PTPN3: variants seen among roughly 807,000 people sequenced by gnomAD.
PTPN3 encodes protein tyrosine phosphatase non-receptor type 3, also known as tyrosine-protein phosphatase non-receptor type 3.
In PTPN3, 96 loss-of-function variants were observed where a neutral mutation model predicts 132.7. That is an observed-to-expected ratio of 0.72 (90% CI 0.61 to 0.86). The LOEUF (loss-of-function observed/expected upper bound fraction) is 0.86, where lower values mean the gene tolerates loss of function less well. Ranked by LOEUF, PTPN3 falls within the 40% of genes least tolerant of loss-of-function variation. The pLI, the probability that PTPN3 is intolerant of heterozygous loss-of-function variation, is 0.00. For missense variants in PTPN3, 1,125 were observed against 1,159.6 expected, an observed-to-expected ratio of 0.97 and a Z score of 0.43; for synonymous variants, 398 against 429.0, an observed-to-expected ratio of 0.93 and a Z score of 0.89.
intron 2 of PTPN3, among the ~76,000 whole-genome samples, chr9:109,460,674 A>T (rs527447942): frequency 6.6e-6 from 1 of 152,170 alleles, no homozygotes; most frequent in South Asian, 2.1e-4. Flanking sequence ...TCATCTCATC[A>T]GTGGGGACGT....
At chr9:109,450,667 A>C (rs1313209535) in intron 5 of PTPN3, 3 of 984,956 alleles carry the variant, frequency 3.0e-6, no homozygotes, top group Non-Finnish European at 3.6e-6. Flanking sequence ...TTCTGCAAAG[A>C]ATGATCTAAA....
At chr9:109,438,875 G>C (rs1844246721) in intron 7 of PTPN3, among the ~76,000 whole-genome samples, 1 of 152,190 alleles carries the variant, frequency 6.6e-6, no homozygotes, top group South Asian at 2.1e-4. Context: ...AGTTCCTAGG[G>C]AGAAAGACAC....
intron 7 of PTPN3, among the ~76,000 whole-genome samples, chr9:109,441,902 G>A (rs966413788): frequency 6.6e-6 from 1 of 151,942 alleles, no homozygotes; most frequent in Admixed American, 6.5e-5. Context: ...CCACTATGCC[G>A]GACTTTATTT....
At chr9:109,404,323 A>G (rs2131718435) in intron 19 of PTPN3, 125 bp downstream of exon 19, 1 of 731,390 alleles carries the variant, frequency 1.4e-6, no homozygotes, top group Non-Finnish European at 2.0e-6. Flanking sequence ...GGTTTGTGAA[A>G]CACACAATCA....
At chr9:109,497,496 T>C (rs1847722137) in intron 1 of PTPN3, among the ~76,000 whole-genome samples, 1 of 152,140 alleles carries the variant, frequency 6.6e-6, no homozygotes, top group South Asian at 2.1e-4. Flanking sequence ...TCACAAGCTC[T>C]TTCCACCAGC....
At chr9:109,494,834 G>A (rs903688908) in intron 1 of PTPN3, among the ~76,000 whole-genome samples, 1 of 152,120 alleles carries the variant, frequency 6.6e-6, no homozygotes, top group Non-Finnish European at 1.5e-5. Context: ...CCTAATACAT[G>A]GTAGAGACTC....
At chr9:109,490,091 G>A (rs920649947) in intron 1 of PTPN3, among the ~76,000 whole-genome samples, 1 of 152,016 alleles carries the variant, frequency 6.6e-6, no homozygotes. Flanking sequence ...GTTGAGGCAG[G>A]AGAATCACTT....
At chr9:109,430,795 G>A (rs1012669804) in intron 10 of PTPN3, among the ~76,000 whole-genome samples, 5 of 152,214 alleles carry the variant, frequency 3.3e-5, no homozygotes, top group Admixed American at 1.3e-4. Flanking sequence ...AGCCCTCCAT[G>A]ACCTGGCCCC....
chr9:109,463,485 T>C, intron 1 of PTPN3, 34 bp from the exon 2 acceptor site: 2 of 1,579,234 alleles, frequency 1.3e-6, no homozygotes, highest in Non-Finnish European at 1.7e-6. Context: ...AGTGCTTTAA[T>C]ATGCGAATTG....
chr9:109,424,740 G>A (rs1382522192), intron 12 of PTPN3, among the ~76,000 whole-genome samples: 2 of 152,212 alleles, frequency 1.3e-5, no homozygotes, highest in African/African-American at 4.8e-5. Flanking sequence ...ACCACACAGA[G>A]CAGAAGAGGC....
intron 21 of PTPN3, 42 bp from the exon 22 acceptor site, chr9:109,389,421 C>T (rs1297413807): frequency 6.4e-7 from 1 of 1,567,262 alleles, no homozygotes; most frequent in Admixed American, 1.8e-5. Flanking sequence ...GTTGCTGCCC[C>T]AGGGTGCACA....
intron 2 of PTPN3, among the ~76,000 whole-genome samples, chr9:109,460,181 C>T (rs1350445498): frequency 6.6e-6 from 1 of 152,196 alleles, no homozygotes; most frequent in African/African-American, 2.4e-5. Flanking sequence ...TATTTTGCTG[C>T]ATTGCTCAGG....
upstream of PTPN3, among the ~76,000 whole-genome samples, chr9:109,499,065 C>T (rs1212358574): frequency 2.1e-5 from 3 of 142,504 alleles, no homozygotes; most frequent in African/African-American, 7.7e-5. Flanking sequence ...ATTTATTGAG[C>T]ACCTATTCTG....
chr9:109,482,774 C>A (rs1044038330), intron 1 of PTPN3, among the ~76,000 whole-genome samples: 9 of 152,244 alleles, frequency 5.9e-5, no homozygotes. Context: ...CAGAAACCAG[C>A]TCCAGTGCTG....
intron 13 of PTPN3, among the ~76,000 whole-genome samples, chr9:109,422,220 T>C (rs1253130490): frequency 6.6e-6 from 1 of 152,190 alleles, no homozygotes; most frequent in Non-Finnish European, 1.5e-5. Context: ...CACCTATTTC[T>C]TTTTAAGCTG....
intron 4 of PTPN3, among the ~76,000 whole-genome samples, chr9:109,456,627 G>A (rs1845579016): frequency 6.6e-6 from 1 of 152,200 alleles, no homozygotes; most frequent in Non-Finnish European, 1.5e-5. Context: ...GCCGAGAGCA[G>A]ATCAGGGCAG....
At chr9:109,396,053 G>A (rs1190169741) in intron 19 of PTPN3, among the ~76,000 whole-genome samples, 1 of 151,990 alleles carries the variant, frequency 6.6e-6, no homozygotes, top group Non-Finnish European at 1.5e-5. Context: ...GTACAGACTG[G>A]TTTTCACCAT....
chr9:109,449,037 T>C, intron 5 of PTPN3, 182 bp from the exon 6 acceptor site: 3 of 1,413,442 alleles, frequency 2.1e-6, no homozygotes, highest in Non-Finnish European at 2.7e-6. Flanking sequence ...TCATTACTGA[T>C]GGCTCATGTT....
chr9:109,456,757 T>C (rs1845586314), intron 4 of PTPN3, among the ~76,000 whole-genome samples: 2 of 152,314 alleles, frequency 1.3e-5, no homozygotes, highest in South Asian at 2.1e-4. Context: ...TTGGTGACAT[T>C]ACCTACTTAT....
Sources: allele counts gnomAD v4.1 joint callset (sites outside exome capture counted in the v4.1 genomes callset), GRCh38; gene constraint gnomAD v4.1.1; transcripts MANE v1.5; gene names NCBI Gene and HGNC (gene_info 2026-07-23, HGNC 2026-07-21).